Variants in PCDH9 observed in about 807,000 individuals in gnomAD.
PCDH9 encodes protocadherin-9.
PCDH9 carries 24 observed loss-of-function variants against 70.6 expected under a neutral mutation model. The ratio of observed to expected loss-of-function variants is 0.34; its 90% CI spans 0.25 to 0.48. The LOEUF (loss-of-function observed/expected upper bound fraction) is 0.48, where lower values mean the gene tolerates loss of function less well. Ranked by LOEUF, PCDH9 falls within the 20% of genes least tolerant of loss-of-function variation. PCDH9 has a pLI of 0.99. For missense variants in PCDH9, 1,281 were observed against 1,503.6 expected, an observed-to-expected ratio of 0.85 and a Z score of 2.45; for synonymous variants, 562 against 558.5, an observed-to-expected ratio of 1.01 and a Z score of -0.09.
At chr13:66,306,268 A>G (rs187075641) in intron 4 of PCDH9, 11 of 152,082 alleles carry the variant, frequency 7.2e-5, no homozygotes, top group Admixed American at 7.2e-4. Flanking sequence ...ATATTTTTAA[A>G]CGTCCAATAA....
At chr13:67,202,137 A>C (rs1173116508) in intron 2 of PCDH9, 1 of 151,152 alleles carries the variant, frequency 6.6e-6, no homozygotes, top group African/African-American at 2.5e-5. Context: ...ACACAAACAC[A>C]CATACCAACC....
chr13:67,170,421 G>C (rs1441477053), intron 2 of PCDH9, among the ~76,000 whole-genome samples: 1 of 152,020 alleles, frequency 6.6e-6, no homozygotes. Flanking sequence ...TAAACTCTAT[G>C]GTAAAAGGAT....
At chr13:67,204,711 A>T (rs2138063030) in intron 2 of PCDH9, 1 of 152,306 alleles carries the variant, frequency 6.6e-6, no homozygotes, top group South Asian at 2.1e-4. Context: ...TCAATGCAAA[A>T]TTAATTTTCT....
intron 4 of PCDH9, among the ~76,000 whole-genome samples, chr13:66,417,954 G>T (rs2138340383): frequency 6.6e-6 from 1 of 152,256 alleles, no homozygotes; most frequent in South Asian, 2.1e-4. Context: ...CACTCTGTAG[G>T]TTTTCTGTTC....
intron 2 of PCDH9, among the ~76,000 whole-genome samples, chr13:67,072,119 T>G (rs956702861): frequency 6.6e-6 from 1 of 152,088 alleles, no homozygotes; most frequent in African/African-American, 2.4e-5. Flanking sequence ...TTAGTGAAGC[T>G]CAGAACACAA....
At chr13:67,087,633 T>C (rs183519027) in intron 2 of PCDH9, among the ~76,000 whole-genome samples, 1 of 152,242 alleles carries the variant, frequency 6.6e-6, no homozygotes, top group Admixed American at 6.6e-5. Flanking sequence ...TGGCAAACAT[T>C]AGCTGTGCAT....
chr13:66,544,965 C>G (rs1961122696), intron 4 of PCDH9, among the ~76,000 whole-genome samples: 1 of 152,092 alleles, frequency 6.6e-6, no homozygotes, highest in Non-Finnish European at 1.5e-5. Context: ...CTCAAAAGGG[C>G]AAGCTCATTT....
chr13:66,970,202 G>A (rs541312695), intron 2 of PCDH9, among the ~76,000 whole-genome samples: 1 of 152,006 alleles, frequency 6.6e-6, no homozygotes, highest in Non-Finnish European at 1.5e-5. Flanking sequence ...GAGATAGTGT[G>A]ATGATTATTA....
At chr13:66,617,194 A>C (rs2077366550) in intron 4 of PCDH9, among the ~76,000 whole-genome samples, 1 of 152,162 alleles carries the variant, frequency 6.6e-6, no homozygotes, top group Admixed American at 6.5e-5. Flanking sequence ...GGTGCAAGCC[A>C]CTTTTGCACT....
chr13:66,849,507 T>TAA (rs1302157476), intron 3 of PCDH9, among the ~76,000 whole-genome samples: 1 of 90,038 alleles, frequency 1.1e-5, no homozygotes, highest in Non-Finnish European at 2.1e-5. Flanking sequence ...TATATATATA[T>TAA]ATATATATAT....
At chr13:66,672,005 AC>A (rs2078181718) in intron 3 of PCDH9, among the ~76,000 whole-genome samples, 1 of 152,136 alleles carries the variant, frequency 6.6e-6, no homozygotes, top group African/African-American at 2.4e-5. Context: ...CTTCACAGCA[AC>A]CCTTCCCATC....
intron 4 of PCDH9, among the ~76,000 whole-genome samples, chr13:66,333,937 A>C: frequency 6.6e-6 from 1 of 152,086 alleles, no homozygotes; most frequent in Non-Finnish European, 1.5e-5. Context: ...ACTGATACAT[A>C]ATAATTATAC....
chr13:66,849,513 TATATAGAG>T (rs1299034391), intron 3 of PCDH9, among the ~76,000 whole-genome samples: 2 of 77,232 alleles, frequency 2.6e-5, no homozygotes, highest in East Asian at 3.6e-4. Context: ...TATATATATA[TATATAGAG>T]AGAGAGAGAG....
chr13:66,949,394 G>A (rs879275623), intron 2 of PCDH9, among the ~76,000 whole-genome samples: 1 of 152,014 alleles, frequency 6.6e-6, no homozygotes, highest in African/African-American at 2.4e-5. Context: ...AAACATGGAG[G>A]TACCAATATC....
At chr13:66,478,086 C>A (rs1958766025) in intron 4 of PCDH9, among the ~76,000 whole-genome samples, 1 of 152,096 alleles carries the variant, frequency 6.6e-6, no homozygotes, top group South Asian at 2.1e-4. Flanking sequence ...TTTGTTAATT[C>A]TTTCAATATT....
chr13:66,982,363 C>T (rs1406166146), intron 2 of PCDH9, among the ~76,000 whole-genome samples: 1 of 151,994 alleles, frequency 6.6e-6, no homozygotes, highest in Non-Finnish European at 1.5e-5. Flanking sequence ...CCCTTATATC[C>T]GCTACTATAA....
chr13:66,874,428 C>A (rs1176613591), intron 3 of PCDH9, among the ~76,000 whole-genome samples: 4 of 152,160 alleles, frequency 2.6e-5, no homozygotes, highest in Admixed American at 1.3e-4. Context: ...ATTCTGTCAT[C>A]TGCCTTGTAG....
intron 4 of PCDH9, among the ~76,000 whole-genome samples, chr13:66,609,015 G>A (rs1044189670): frequency 1.3e-5 from 2 of 152,156 alleles, no homozygotes; most frequent in Non-Finnish European, 2.9e-5. Flanking sequence ...CATGTATTAA[G>A]TGAGATCTTC....
At chr13:66,726,378 A>G (rs112203028) in intron 3 of PCDH9, among the ~76,000 whole-genome samples, 20 of 152,286 alleles carry the variant, frequency 1.3e-4, no homozygotes, top group African/African-American at 4.6e-4. Flanking sequence ...AAAAAGACAT[A>G]AGGAAAAATG....
Sources: allele counts gnomAD v4.1 joint callset (sites outside exome capture counted in the v4.1 genomes callset), GRCh38; gene constraint gnomAD v4.1.1; transcripts MANE v1.5; gene names NCBI Gene and HGNC (gene_info 2026-07-23, HGNC 2026-07-21).